Variants in ZFHX3 observed in about 807,000 individuals in gnomAD.
ZFHX3 encodes zinc finger homeobox 3.
ZFHX3 carries 42 observed loss-of-function variants against 279.1 expected under a neutral mutation model. That is an observed-to-expected ratio of 0.15 (90% CI 0.12 to 0.19). ZFHX3 has a LOEUF of 0.19. ZFHX3 is among the 10% of genes least tolerant of loss of function. The probability of loss-of-function intolerance (pLI) is 1.00; values close to 1 mark genes in which losing one functional copy is unlikely to be tolerated. For synonymous variants in ZFHX3, 2,293 were observed against 1,957.8 expected (o/e 1.17, Z -4.52); for missense variants, 4,981 against 4,754.0 (o/e 1.05, Z -1.40).
At chr16:73,200,551 G>A (rs902554420) in intron 5 of ZFHX3, among the ~76,000 whole-genome samples, 1 of 152,098 alleles carries the variant, frequency 6.6e-6, no homozygotes, top group Non-Finnish European at 1.5e-5. Flanking sequence ...TTTTAGATTG[G>A]CCCTGTGAGG....
intron 3 of ZFHX3, among the ~76,000 whole-genome samples, chr16:72,942,537 A>C (rs1455882985): frequency 6.6e-6 from 1 of 152,218 alleles, no homozygotes; most frequent in Non-Finnish European, 1.5e-5. Flanking sequence ...GGTAGCTATT[A>C]GACTTTCTGA....
At position 72,850,941 on chromosome 16, in the gene ZFHX3, G is replaced by A. The variant is rs368379592; in HGVS notation, c.3449-21082C>T. On this transcript the variant is annotated intron_variant, in intron 4 of 9. Coordinates refer to ENST00000268489, the MANE Select transcript of ZFHX3 (RefSeq NM_006885.4). ...CTGGTGGGAAGCAGATGGGGTTGGG[G>A]GGAGAAAGTAGCTTTGGGCCAAGTG... Among the ~76,000 whole-genome samples the A allele has an allele frequency of 2.9e-4, 44 of 152,198 alleles. No homozygotes were observed. In the Middle Eastern group the frequency reaches 0.021, roughly 71 times the overall value.
At chr16:73,506,853 A>T (rs1175714952) in intron 2 of ZFHX3, among the ~76,000 whole-genome samples, 2 of 152,198 alleles carry the variant, frequency 1.3e-5, no homozygotes, top group Non-Finnish European at 2.9e-5. Context: ...TAATATGCAT[A>T]CTGCTTGAGA....
At chr16:72,924,305 G>A (rs762822661) in intron 3 of ZFHX3, among the ~76,000 whole-genome samples, 25 of 152,136 alleles carry the variant, frequency 1.6e-4, no homozygotes, top group Admixed American at 2.0e-4. Context: ...GGGCAACACC[G>A]CAGGCCCTTC....
chr16:73,477,922 C>G (rs924082509), intron 2 of ZFHX3, among the ~76,000 whole-genome samples: 2 of 152,172 alleles, frequency 1.3e-5, no homozygotes, highest in African/African-American at 4.8e-5. Flanking sequence ...AAGCAGCTCT[C>G]TCTACCTACC....
chr16:73,264,538 A>G (rs2013912708), intron 4 of ZFHX3, among the ~76,000 whole-genome samples: 1 of 152,136 alleles, frequency 6.6e-6, no homozygotes, highest in Non-Finnish European at 1.5e-5. Context: ...ATTATTATGA[A>G]GAGACCAAAG....
At chr16:73,636,782 G>C (rs1266609018) in intron 2 of ZFHX3, among the ~76,000 whole-genome samples, 7 of 152,142 alleles carry the variant, frequency 4.6e-5, no homozygotes, top group Non-Finnish European at 1.0e-4. Flanking sequence ...ACAAAGTCAT[G>C]TTTGTAGCTA....
intron 3 of ZFHX3, among the ~76,000 whole-genome samples, chr16:73,329,522 C>T (rs1209296826): frequency 6.6e-6 from 1 of 152,258 alleles, no homozygotes; most frequent in South Asian, 2.1e-4. Flanking sequence ...AGGAACACGG[C>T]CCCTTGCATA....
chr16:73,327,345 G>A (rs949649099), intron 3 of ZFHX3, among the ~76,000 whole-genome samples: 1 of 152,102 alleles, frequency 6.6e-6, no homozygotes, highest in African/African-American at 2.4e-5. Flanking sequence ...CATGAGACCA[G>A]GTATGATGAC....
At chr16:72,838,185 A>C (rs985899548) in intron 4 of ZFHX3, among the ~76,000 whole-genome samples, 4 of 152,224 alleles carry the variant, frequency 2.6e-5, no homozygotes, top group African/African-American at 9.6e-5. Flanking sequence ...TCAGGCTCTA[A>C]GAATCAACAC....
chr16:73,677,389 A>G lies in ZFHX3; in HGVS notation c.-1547+2791T>C, dbSNP rs72801498. 6.4e-3 allele frequency among the ~76,000 whole-genome samples: 967 copies of G among 152,018 alleles called. 2 individuals are homozygous for G. Among genetic ancestry groups the G allele is most frequent in the Middle Eastern group, 0.017 (5 of 294 alleles). Reference sequence around the variant, plus strand: ...GTTATATGATGCAGCTAAGCTAAAAATCATAGCAAAGTTCATAGTTTTAAA... The same window carrying G: ...GTTATATGATGCAGCTAAGCTAAAAGTCATAGCAAAGTTCATAGTTTTAAA... On this transcript the variant is annotated intron_variant, in intron 2 of 17. Transcript: ENST00000641206.
At chr16:73,162,709 C>T (rs1308657945) in intron 5 of ZFHX3, among the ~76,000 whole-genome samples, 1 of 152,120 alleles carries the variant, frequency 6.6e-6, no homozygotes, top group Non-Finnish European at 1.5e-5. Context: ...GCAATCTGCC[C>T]ACCGTGGCCT....
At chr16:73,246,782 A>G (rs2013293401) in intron 5 of ZFHX3, among the ~76,000 whole-genome samples, 1 of 152,224 alleles carries the variant, frequency 6.6e-6, no homozygotes, top group African/African-American at 2.4e-5. Context: ...CGGTTCCTAT[A>G]TAATAAAGTT....
At chr16:72,911,195 C>T (rs1380728508) in intron 3 of ZFHX3, among the ~76,000 whole-genome samples, 1 of 152,202 alleles carries the variant, frequency 6.6e-6, no homozygotes, top group Non-Finnish European at 1.5e-5. Context: ...AGTGTAGCTT[C>T]ACAAGGGAAG....
intron 3 of ZFHX3, among the ~76,000 whole-genome samples, chr16:73,384,639 C>T (rs1001121317): frequency 6.6e-6 from 1 of 152,192 alleles, no homozygotes; most frequent in Non-Finnish European, 1.5e-5. Flanking sequence ...CTGTTTCTCA[C>T]CTCATAGGCC....
intron 1 of ZFHX3, among the ~76,000 whole-genome samples, chr16:73,001,280 C>T (rs535177731): frequency 2.6e-5 from 4 of 152,274 alleles, no homozygotes; most frequent in Admixed American, 2.6e-4. Flanking sequence ...TGAATCCTAT[C>T]AACAACCGTG....
At chr16:73,282,875 C>T (rs1334889172) in intron 4 of ZFHX3, among the ~76,000 whole-genome samples, 2 of 152,146 alleles carry the variant, frequency 1.3e-5, no homozygotes, top group Non-Finnish European at 1.5e-5. Context: ...CTTCATTTGT[C>T]ATTTTTGTGT....
chr16:73,605,998 A>G lies in ZFHX3; in HGVS notation c.-1547+74182T>C, dbSNP rs528368869. ...AGGAGATGAGACCATCCTGGCTAAC[A>G]CAGTGAAAGCCCGTCTCTACTAAAA... On this transcript the variant is annotated intron_variant, in intron 2 of 17. Transcript: ENST00000641206. Among the ~76,000 whole-genome samples the G allele has an allele frequency of 1.2e-3, 177 of 151,682 alleles. 2 individuals are homozygous for G. Among genetic ancestry groups the G allele is most frequent in the Middle Eastern group, 6.8e-3 (2 of 292 alleles).
intron 2 of ZFHX3, among the ~76,000 whole-genome samples, chr16:73,669,638 G>C (rs958584000): frequency 1.3e-5 from 2 of 152,198 alleles, no homozygotes; most frequent in Non-Finnish European, 2.9e-5. Flanking sequence ...TGAAGACCTG[G>C]AGGCCATGAA....
Sources: allele counts gnomAD v4.1 joint callset (sites outside exome capture counted in the v4.1 genomes callset), GRCh38; gene constraint gnomAD v4.1.1; transcripts MANE v1.5; gene names NCBI Gene and HGNC (gene_info 2026-07-23, HGNC 2026-07-21).